Variants in IRAK3 observed in about 807,000 individuals in gnomAD.
IRAK3 encodes interleukin-1 receptor-associated kinase 3.
IRAK3 carries 57 observed loss-of-function variants against 56.6 expected under a neutral mutation model. That is an observed-to-expected ratio of 1.01 (90% CI 0.81 to 1.26). The LOEUF (loss-of-function observed/expected upper bound fraction) is 1.26, where lower values mean the gene tolerates loss of function less well. Ranked by LOEUF, IRAK3 falls within the 50% of genes most tolerant of loss-of-function variation. IRAK3 has a pLI of 0.00. For missense variants in IRAK3, 703 were observed against 719.0 expected (o/e 0.98, Z 0.25); for synonymous variants, 258 against 255.7 (o/e 1.01, Z -0.09).
At chr12:66,234,588 T>G in intron 8 of IRAK3, 5 of 1,611,776 alleles carry the variant, frequency 3.1e-6, no homozygotes, top group South Asian at 2.2e-5. Flanking sequence ...GGGATGTATT[T>G]GTTTGGGTTC....
At chr12:66,196,195 T>A (rs2052451493) in intron 1 of IRAK3, among the ~76,000 whole-genome samples, 1 of 152,168 alleles carries the variant, frequency 6.6e-6, no homozygotes, top group Non-Finnish European at 1.5e-5. Context: ...TCCTGCTGAC[T>A]CTCTTAGCAT....
chr12:66,203,838 A>G lies in IRAK3; in HGVS notation c.261A>G (p.Leu87=). 1 of 1,614,084 alleles carries G rather than the reference A, an allele frequency of 6.2e-7. No homozygotes were observed. The highest frequency in any genetic ancestry group is 8.5e-7 in the Non-Finnish European group (1 of 1,179,962). The change falls in exon 2 of 12, where the codon TTA becomes TTG. Residue 87 remains leucine, a synonymous_variant. Coordinates refer to ENST00000261233, the MANE Select transcript of IRAK3 (RefSeq NM_007199.3). ...AQKNKTIGDL[L]QVLQEMGHRR... Reference sequence around the variant, plus strand: ...AAAACAAGACCATCGGTGACCTTTTACAGGTCCTCCAGGAGATGGGACATC... The same window carrying G: ...AAAACAAGACCATCGGTGACCTTTTGCAGGTCCTCCAGGAGATGGGACATC...
intron 2 of IRAK3, 140 bp downstream of exon 2, chr12:66,204,033 G>T: frequency 1.4e-6 from 1 of 725,458 alleles, no homozygotes; most frequent in Non-Finnish European, 2.3e-6. Context: ...ATCTGGAAGG[G>T]ACTTTCCAGC....
intron 8 of IRAK3, among the ~76,000 whole-genome samples, chr12:66,243,231 G>C (rs1462739231): frequency 6.6e-6 from 1 of 152,150 alleles, no homozygotes; most frequent in Non-Finnish European, 1.5e-5. Context: ...TGAACAGTAA[G>C]AACACTTGCA....
rs568645427 is a variant in IRAK3 at position 66,234,932 on chromosome 12, G to T, written c.887+6562G>T. 385 of 1,614,176 alleles carry T rather than the reference G, an allele frequency of 2.4e-4. 4 individuals are homozygous for T. In the African/African-American group the frequency reaches 4.6e-3, roughly 19 times the overall value. On this transcript the variant is annotated intron_variant, in intron 8 of 11. Transcript: ENST00000261233. Reference sequence around the variant, plus strand: ...TTGAACCCCACTGGCCTTCAGGGCAGACACAGCTTTTTGAGCTGCTGCAGG... The same window carrying T: ...TTGAACCCCACTGGCCTTCAGGGCATACACAGCTTTTTGAGCTGCTGCAGG...
At chr12:66,205,819 T>G (rs928902185) in intron 2 of IRAK3, among the ~76,000 whole-genome samples, 7 of 152,228 alleles carry the variant, frequency 4.6e-5, no homozygotes, top group Non-Finnish European at 1.0e-4. Flanking sequence ...CTAGTCATAT[T>G]GAAATGGGCC....
chr12:66,211,316 G>T, intron 4 of IRAK3, 130 bp from the exon 5 acceptor site: 1 of 657,692 alleles, frequency 1.5e-6, no homozygotes, highest in Non-Finnish European at 2.7e-6. Context: ...GTGGTCTTCG[G>T]CTTTGGTTCC....
At chr12:66,204,778 G>GCGCGCGCACACA (rs1026097833) in intron 2 of IRAK3, among the ~76,000 whole-genome samples, 1 of 147,812 alleles carries the variant, frequency 6.8e-6, no homozygotes, top group African/African-American at 2.5e-5. Context: ...GAGCCCTTGC[G>GCGCGCGCACACA]CACACACACA....
At position 66,215,788 on chromosome 12, in the gene IRAK3, A is replaced by AAGTGCACGTGCGCGCGCGCGCGCGCGCG. The variant is rs1555203513; in HGVS notation, c.589-1383_589-1382insAGTGCACGTGCGCGCGCGCGCGCGCGCG. 7.6e-5 allele frequency among the ~76,000 whole-genome samples: 10 copies of AAGTGCACGTGCGCGCGCGCGCGCGCGCG among 131,676 alleles called. 1 individual carries two copies. Among genetic ancestry groups the AAGTGCACGTGCGCGCGCGCGCGCGCGCG allele is most frequent in the African/African-American group, 2.8e-4 (10 of 35,536 alleles). The allele number at this position is 131,676 out of a possible 152,430, so 86.4% of individuals were successfully genotyped here. The stretch of plus-strand genomic sequence containing the variant: ...CGCCCCCTATTTTAACCCAACATGC[A>AAGTGCACGTGCGCGCGCGCGCGCGCGCG]CACACACACACACACACACACACAC... On this transcript the variant is annotated intron_variant, in intron 5 of 11. Coordinates refer to ENST00000261233, the MANE Select transcript of IRAK3 (RefSeq NM_007199.3).
intron 8 of IRAK3, among the ~76,000 whole-genome samples, chr12:66,244,147 G>A (rs555762470): frequency 3.9e-5 from 6 of 152,294 alleles, no homozygotes; most frequent in Admixed American, 6.5e-5. Context: ...CATGTTCTCC[G>A]TAAGTGTAAG....
At chr12:66,204,778 G>GCGCGCACACACACA (rs1026097833) in intron 2 of IRAK3, among the ~76,000 whole-genome samples, 6 of 147,812 alleles carry the variant, frequency 4.1e-5, no homozygotes, top group African/African-American at 1.5e-4. Flanking sequence ...GAGCCCTTGC[G>GCGCGCACACACACA]CACACACACA....
chr12:66,252,208 G>C lies in IRAK3; in HGVS notation c.*4037G>C, dbSNP rs890705898. 1 of 151,892 alleles carries C rather than the reference G, an allele frequency of 6.6e-6. No homozygotes were observed. Among genetic ancestry groups the C allele is most frequent in the Non-Finnish European group, 1.5e-5 (1 of 67,964 alleles). 9.4% of individuals were successfully genotyped at this position (151,892 alleles called of 1,614,324 possible). A position where few individuals can be genotyped will look rare whatever the true frequency, so the allele number is the denominator to read the frequency against. ...AGGTGTGGATCCCATCTTATAATAA[G>C]GTGAGGACACTGAGTCAGGAAACTA... On this transcript the variant is annotated 3_prime_UTR_variant, in exon 12 of 12. Transcript: ENST00000261233.
At position 66,209,529 on chromosome 12, in the gene IRAK3, T is replaced by C; in HGVS notation, c.381+9T>C. On this transcript the variant is annotated intron_variant, in intron 3 of 11. Transcript: ENST00000261233. The stretch of plus-strand genomic sequence containing the variant: ...CAAATATATTATTCAAGGTAGAGTA[T>C]GTGTGCATAGAAAATGAGCCTTGAA... 1.3e-6 allele frequency: 2 copies of C among 1,512,530 alleles called. No homozygotes were observed. The highest frequency in any genetic ancestry group is 2.7e-5 in the African/African-American group (2 of 73,058). 93.7% of individuals were successfully genotyped at this position (1,512,530 alleles called of 1,614,324 possible).
At chr12:66,235,674 T>C (rs1592599187) in intron 8 of IRAK3, among the ~76,000 whole-genome samples, 1 of 152,218 alleles carries the variant, frequency 6.6e-6, no homozygotes, top group East Asian at 1.9e-4. Flanking sequence ...TGGAACAATG[T>C]ATATAAAGTG....
At chr12:66,197,248 AT>A (rs894188966) in intron 1 of IRAK3, 1 of 1,198,124 alleles carries the variant, frequency 8.3e-7, no homozygotes, top group African/African-American at 1.6e-5. Context: ...TTTTAACTTT[AT>A]CAACATAATT....
rs1310338554 is a variant in IRAK3 at position 66,199,787 on chromosome 12, C to T, written c.134-3924C>T. Among the ~76,000 whole-genome samples, 4 of 152,150 alleles carry T rather than the reference C, an allele frequency of 2.6e-5. No individual in the cohort carries two copies. In the South Asian group the frequency reaches 6.2e-4, roughly 24 times the overall value. ...AAATAAAGTGTTTATAAAAAATGTGCCTCAATGATATAGGCAGATTACCTC... is the reference window on the plus strand; with the variant it reads ...AAATAAAGTGTTTATAAAAAATGTGTCTCAATGATATAGGCAGATTACCTC... On this transcript the variant is annotated intron_variant, in intron 1 of 11. Coordinates refer to ENST00000261233, the MANE Select transcript of IRAK3 (RefSeq NM_007199.3).
At position 66,203,895 on chromosome 12, in the gene IRAK3, T is replaced by C. The variant is rs771759165; in HGVS notation, c.316+2T>C. On this transcript the variant is annotated splice_donor_variant, in intron 2 of 11. Coordinates refer to ENST00000261233, the MANE Select transcript of IRAK3 (RefSeq NM_007199.3). LOFTEE classifies it high-confidence loss of function. Reference sequence around the variant, plus strand: ...CTATTCATTTAATTACAAACTATGGTAAATGCTGATTCTTATAATGTGGCT... The same window carrying C: ...CTATTCATTTAATTACAAACTATGGCAAATGCTGATTCTTATAATGTGGCT... 3.7e-6 allele frequency: 6 copies of C among 1,610,712 alleles called. No individual in the cohort carries two copies. In the Admixed American group the frequency reaches 5.0e-5, roughly 13 times the overall value.
chr12:66,203,639 T>A (rs1185630), intron 1 of IRAK3, 72 bp from the exon 2 acceptor site: 137,097 of 1,292,924 alleles, frequency 0.11, 16,584 homozygotes, highest in African/African-American at 0.52. Flanking sequence ...AATAAAACAT[T>A]AGGTACACAA....
intron 1 of IRAK3, among the ~76,000 whole-genome samples, chr12:66,190,525 C>T (rs2052389444): frequency 6.6e-6 from 1 of 152,112 alleles, no homozygotes; most frequent in Non-Finnish European, 1.5e-5. Context: ...CGTTGATTTC[C>T]TAGAGTTACT....
Sources: allele counts gnomAD v4.1 joint callset (sites outside exome capture counted in the v4.1 genomes callset), GRCh38; gene constraint gnomAD v4.1.1; transcripts MANE v1.5; gene names NCBI Gene and HGNC (gene_info 2026-07-23, HGNC 2026-07-21).